Variants in TFDP1 observed in about 807,000 individuals in gnomAD.
TFDP1 encodes DRTF1-polypeptide 1.
TFDP1 carries 6 observed loss-of-function variants against 48.0 expected under a neutral mutation model. The ratio of observed to expected loss-of-function variants is 0.13; its 90% CI spans 0.07 to 0.25. The LOEUF (loss-of-function observed/expected upper bound fraction) is 0.25. Among genes scored for constraint, TFDP1 ranks in the 10% least tolerant of loss-of-function variants. The pLI is 1.00. For synonymous variants in TFDP1, 201 were observed against 211.6 expected (o/e 0.95, Z 0.44); for missense variants, 335 against 543.0 (o/e 0.62, Z 3.81).
intron 2 of TFDP1, among the ~76,000 whole-genome samples, chr13:113,589,598 T>C (rs1300646288): frequency 6.6e-6 from 1 of 152,240 alleles, no homozygotes; most frequent in African/African-American, 2.4e-5. Context: ...GAGGCTGTCC[T>C]CTGGTTCCTG....
At chr13:113,589,525 C>T (rs2048088521) in intron 2 of TFDP1, among the ~76,000 whole-genome samples, 1 of 152,232 alleles carries the variant, frequency 6.6e-6, no homozygotes, top group East Asian at 1.9e-4. Context: ...GAGGTCCGTA[C>T]AGACTCTTTG....
At chr13:113,600,960 G>C (rs2048410456) in intron 2 of TFDP1, among the ~76,000 whole-genome samples, 1 of 152,064 alleles carries the variant, frequency 6.6e-6, no homozygotes, top group Non-Finnish European at 1.5e-5. Flanking sequence ...TTGCACGTAG[G>C]GCTCCAGGAC....
At position 113,640,305 on chromosome 13, in the gene TFDP1, T is replaced by G; in HGVS notation, c.*38T>G. The G allele has an allele frequency of 6.3e-7, 1 of 1,581,326 alleles. No individual in the cohort carries two copies. Among genetic ancestry groups the G allele is most frequent in the Non-Finnish European group, 8.6e-7 (1 of 1,165,568 alleles). On this transcript the variant is annotated 3_prime_UTR_variant, in exon 12 of 12. Coordinates refer to ENST00000375370, the MANE Select transcript of TFDP1 (RefSeq NM_007111.5). Reference sequence around the variant, plus strand: ...TTCAGATTCGGCTTCAGGAAAACGTTTAGCGAAAAGAAACTTTTTTTTTAA... The same window carrying G: ...TTCAGATTCGGCTTCAGGAAAACGTGTAGCGAAAAGAAACTTTTTTTTTAA...
At chr13:113,635,824 G>T (rs1041001976) in intron 8 of TFDP1, among the ~76,000 whole-genome samples, 153 bp from the exon 9 acceptor site, 1 of 152,200 alleles carries the variant, frequency 6.6e-6, no homozygotes, top group Non-Finnish European at 1.5e-5. Context: ...GGGCTGCAGA[G>T]GTCAGCACCC....
intron 2 of TFDP1, among the ~76,000 whole-genome samples, chr13:113,588,957 A>G (rs2048074399): frequency 6.9e-6 from 1 of 145,568 alleles, no homozygotes; most frequent in Non-Finnish European, 1.5e-5. Flanking sequence ...AGAGTGAGTG[A>G]TGGTAGTGTT....
chr13:113,608,854 C>T (rs113061677), intron 2 of TFDP1, among the ~76,000 whole-genome samples: 2,062 of 152,322 alleles, frequency 0.014, 47 homozygotes, highest in African/African-American at 0.047. Flanking sequence ...GCCACCTGTC[C>T]AGACCCACTC....
chr13:113,632,188 A>G (rs1488153207), intron 5 of TFDP1, among the ~76,000 whole-genome samples: 1 of 152,214 alleles, frequency 6.6e-6, no homozygotes, highest in Admixed American at 6.5e-5. Flanking sequence ...TCCTTCCACT[A>G]AAGCAAGATC....
intron 7 of TFDP1, chr13:113,634,331 A>G (rs2140613805): frequency 3.2e-6 from 2 of 632,778 alleles, no homozygotes; most frequent in East Asian, 2.7e-5. Context: ...AATGAGAGGA[A>G]AGGGGAGAAG....
At position 113,633,028 on chromosome 13, in the gene TFDP1, C is replaced by T. The variant is rs965249297; in HGVS notation, c.309-92C>T. The T allele has an allele frequency of 2.0e-6, 3 of 1,523,482 alleles. No individual in the cohort carries two copies. In the African/African-American group the frequency reaches 4.2e-5, roughly 21 times the overall value. 94.4% of individuals were successfully genotyped at this position (1,523,482 alleles called of 1,614,324 possible). ...TGGGACGTGGCCCCTTTTTGTGCAG[C>T]TCATTAGAGCTCTCAGGTAAAAGCA... On this transcript the variant is annotated intron_variant, in intron 5 of 11. Coordinates refer to ENST00000375370, the MANE Select transcript of TFDP1 (RefSeq NM_007111.5). The surrounding 1 kb of genome is among the most constrained non-coding windows in gnomAD (Gnocchi z 4.5).
chr13:113,621,916 A>G (rs1156546198), intron 3 of TFDP1, among the ~76,000 whole-genome samples: 2 of 152,200 alleles, frequency 1.3e-5, no homozygotes, highest in East Asian at 1.9e-4. Flanking sequence ...TCACGCTCCT[A>G]GTCCACCTTC....
At chr13:113,589,359 G>T (rs2048083774) in intron 2 of TFDP1, among the ~76,000 whole-genome samples, 1 of 152,170 alleles carries the variant, frequency 6.6e-6, no homozygotes, top group Non-Finnish European at 1.5e-5. Flanking sequence ...GGCATAGCAT[G>T]GATCACTTAC....
At chr13:113,615,392 A>G (rs996553457) in intron 3 of TFDP1, among the ~76,000 whole-genome samples, 2 of 151,830 alleles carry the variant, frequency 1.3e-5, no homozygotes, top group Admixed American at 1.3e-4. Flanking sequence ...TGCCTGGTCC[A>G]CCCTGCCCCT....
intron 2 of TFDP1, among the ~76,000 whole-genome samples, chr13:113,610,009 GAA>G (rs1337124038): frequency 6.6e-6 from 1 of 152,264 alleles, no homozygotes; most frequent in Non-Finnish European, 1.5e-5. Flanking sequence ...ACTAGGAAGA[GAA>G]TAAAAGATTT....
In TFDP1 at chr13:113,640,427, G is replaced by A. The variant is rs4150826; in HGVS notation, c.*160G>A. 6.0e-5 allele frequency: 74 copies of A among 1,236,234 alleles called. No individual in the cohort carries two copies. The East Asian group carries it at 1.1e-3, about 18-fold the overall frequency. The allele number at this position is 1,236,234 out of a possible 1,614,324, so 76.6% of individuals were successfully genotyped here. ...CTCTGATAAGCAAGGATTGTTTCCC[G>A]TAGGATTAGGACGTGCTGTGGATGT... On this transcript the variant is annotated 3_prime_UTR_variant, in exon 12 of 12. Transcript: ENST00000375370.
At chr13:113,636,253 T>A in intron 9 of TFDP1, 125 bp downstream of exon 9, 1 of 1,347,972 alleles carries the variant, frequency 7.4e-7, no homozygotes, top group Non-Finnish European at 1.0e-6. Context: ...CACAAATTGC[T>A]GTCCATTGGG....
chr13:113,589,963 GT>G (rs1384013027), intron 2 of TFDP1, among the ~76,000 whole-genome samples: 1 of 152,206 alleles, frequency 6.6e-6, no homozygotes, highest in Non-Finnish European at 1.5e-5. Flanking sequence ...AAGTTTGTAA[GT>G]GGGAAGGCAG....
intron 2 of TFDP1, among the ~76,000 whole-genome samples, chr13:113,602,725 G>T (rs1463693927): frequency 1.3e-5 from 2 of 152,172 alleles, no homozygotes; most frequent in East Asian, 1.9e-4. Flanking sequence ...TGAATCATTT[G>T]CAGGGTCCCC....
chr13:113,639,709 C>A (rs1164990673), intron 11 of TFDP1, among the ~76,000 whole-genome samples: 1 of 152,234 alleles, frequency 6.6e-6, no homozygotes, highest in Non-Finnish European at 1.5e-5. Context: ...ATTCGACCCA[C>A]GCTCTGGACT....
chr13:113,593,591 G>A (rs1205706255), intron 2 of TFDP1, among the ~76,000 whole-genome samples: 1 of 139,898 alleles, frequency 7.1e-6, no homozygotes, highest in South Asian at 2.3e-4. Flanking sequence ...GGTGTGCTGT[G>A]TGTGGGTCCT....
Sources: allele counts gnomAD v4.1 joint callset (sites outside exome capture counted in the v4.1 genomes callset), GRCh38; gene constraint gnomAD v4.1.1; non-coding constraint Gnocchi (gnomAD v3.1); transcripts MANE v1.5; gene names NCBI Gene and HGNC (gene_info 2026-07-23, HGNC 2026-07-21).